Variants in RPS6KC1 observed in about 807,000 individuals in gnomAD.
The protein encoded by RPS6KC1 is inactive ribosomal protein S6 kinase delta-1.
RPS6KC1 carries 54 observed loss-of-function variants against 103.8 expected under a neutral mutation model. The observed-to-expected ratio is 0.52, with a 90% CI of 0.42 to 0.65. The LOEUF (loss-of-function observed/expected upper bound fraction) is 0.65, where lower values mean the gene tolerates loss of function less well. RPS6KC1 is among the 30% of genes least tolerant of loss of function. RPS6KC1 has a pLI of 0.00. For missense variants in RPS6KC1, 1,151 were observed against 1,253.8 expected (o/e 0.92, Z 1.24); for synonymous variants, 439 against 438.7 (o/e 1.00, Z -0.01).
chr1:213,456,268 C>A, the RPS6KC1 span, among the ~76,000 whole-genome samples: 1 of 152,142 alleles, frequency 6.6e-6, no homozygotes, highest in Non-Finnish European at 1.5e-5. Context: ...AGAGGTTGAA[C>A]CCTAGGTCCT....
chr1:213,436,520 A>G, the RPS6KC1 span, among the ~76,000 whole-genome samples: 2 of 152,348 alleles, frequency 1.3e-5, no homozygotes, highest in East Asian at 1.9e-4. Flanking sequence ...CTAAATTTTT[A>G]GAAACATCAA....
chr1:213,152,460 G>T (rs1376333541), intron 6 of RPS6KC1, among the ~76,000 whole-genome samples: 1 of 149,956 alleles, frequency 6.7e-6, no homozygotes, highest in Non-Finnish European at 1.5e-5. Flanking sequence ...GCTGCCGGGC[G>T]GAGGGGCTCC....
At chr1:213,764,657 C>T in the RPS6KC1 span, among the ~76,000 whole-genome samples, 1 of 152,108 alleles carries the variant, frequency 6.6e-6, no homozygotes, top group African/African-American at 2.4e-5. Flanking sequence ...AGTGGACGCT[C>T]TTGGGGACAG....
the RPS6KC1 span, among the ~76,000 whole-genome samples, chr1:213,395,804 T>C: frequency 6.6e-6 from 1 of 152,188 alleles, no homozygotes; most frequent in Non-Finnish European, 1.5e-5. Flanking sequence ...ACCAGGTTTG[T>C]GGGCGGGCTG....
At chr1:213,146,761 C>G (rs1178229153) in intron 6 of RPS6KC1, among the ~76,000 whole-genome samples, 1 of 151,958 alleles carries the variant, frequency 6.6e-6, no homozygotes, top group East Asian at 1.9e-4. Flanking sequence ...GAGGAACCTC[C>G]AAACTGTTGA....
chr1:213,223,655 G>A (rs1052736334), intron 8 of RPS6KC1, among the ~76,000 whole-genome samples: 5 of 152,068 alleles, frequency 3.3e-5, no homozygotes, highest in African/African-American at 1.2e-4. Flanking sequence ...GTTGCTAATC[G>A]TGCTGCTATA....
chr1:213,396,009 T>C, the RPS6KC1 span, among the ~76,000 whole-genome samples: 1 of 152,150 alleles, frequency 6.6e-6, no homozygotes, highest in Non-Finnish European at 1.5e-5. Flanking sequence ...GGTAGATGTT[T>C]AAGAGGAGAG....
the RPS6KC1 span, among the ~76,000 whole-genome samples, chr1:213,403,504 C>T: frequency 2.0e-5 from 3 of 152,144 alleles, no homozygotes; most frequent in East Asian, 1.9e-4. Flanking sequence ...ACCTTGCCCA[C>T]GTCTTTAAAA....
chr1:213,070,696 G>A (rs1362350535), intron 1 of RPS6KC1, among the ~76,000 whole-genome samples: 1 of 152,192 alleles, frequency 6.6e-6, no homozygotes, highest in African/African-American at 2.4e-5. Flanking sequence ...GGTGATTGGC[G>A]CCAGAGTAGG....
At chr1:213,309,902 C>T in the RPS6KC1 span, among the ~76,000 whole-genome samples, 2 of 152,138 alleles carry the variant, frequency 1.3e-5, no homozygotes, top group African/African-American at 2.4e-5. Flanking sequence ...CCAGGCTGGT[C>T]TTGAACTCCT....
the RPS6KC1 span, among the ~76,000 whole-genome samples, chr1:213,289,993 C>T: frequency 1.5e-4 from 23 of 151,670 alleles, no homozygotes; most frequent in Admixed American, 3.9e-4. Flanking sequence ...GAGCCGAGAT[C>T]GCACCATTGC....
At chr1:213,590,122 C>T in the RPS6KC1 span, among the ~76,000 whole-genome samples, 1 of 151,996 alleles carries the variant, frequency 6.6e-6, no homozygotes, top group Non-Finnish European at 1.5e-5. Context: ...ATTGTATTTC[C>T]TGGGGATAGA....
At chr1:213,508,874 C>G in the RPS6KC1 span, among the ~76,000 whole-genome samples, 1 of 152,118 alleles carries the variant, frequency 6.6e-6, no homozygotes, top group Non-Finnish European at 1.5e-5. Flanking sequence ...GAGAAAAGGG[C>G]AATGGCAGGA....
the RPS6KC1 span, among the ~76,000 whole-genome samples, chr1:213,399,403 C>T: frequency 4.6e-5 from 7 of 152,200 alleles, no homozygotes; most frequent in East Asian, 1.4e-3. Context: ...AGATCCTTGG[C>T]CTCTTCCAGA....
chr1:213,392,122 G>A, the RPS6KC1 span, among the ~76,000 whole-genome samples: 5 of 152,162 alleles, frequency 3.3e-5, no homozygotes, highest in Admixed American at 2.0e-4. Context: ...ACAGCCCCCA[G>A]TACAGAAAAA....
the RPS6KC1 span, among the ~76,000 whole-genome samples, chr1:213,833,132 A>G: frequency 4.3e-4 from 65 of 152,208 alleles, no homozygotes; most frequent in African/African-American, 1.5e-3. Context: ...CTGGAGCTGC[A>G]TTTTAGATTC....
the RPS6KC1 span, among the ~76,000 whole-genome samples, chr1:213,468,661 T>G: frequency 6.6e-6 from 1 of 152,126 alleles, no homozygotes; most frequent in Non-Finnish European, 1.5e-5. Flanking sequence ...AATATAGTGG[T>G]TAATCCAGAT....
chr1:213,861,674 A>G, the RPS6KC1 span, among the ~76,000 whole-genome samples: 1 of 152,328 alleles, frequency 6.6e-6, no homozygotes, highest in East Asian at 1.9e-4. Context: ...CTCAGGCAGG[A>G]GGAACTGGAG....
At chr1:213,382,989 G>A in the RPS6KC1 span, among the ~76,000 whole-genome samples, 24 of 152,362 alleles carry the variant, frequency 1.6e-4, no homozygotes, top group African/African-American at 5.3e-4. Context: ...GGCCAGTTTT[G>A]TTTGTCTTCA....
Sources: allele counts gnomAD v4.1 joint callset (sites outside exome capture counted in the v4.1 genomes callset), GRCh38; gene constraint gnomAD v4.1.1; transcripts MANE v1.5; gene names NCBI Gene and HGNC (gene_info 2026-07-23, HGNC 2026-07-21).